The following TDRD5 variants were observed in gnomAD, a reference collection of about 807,000 sequenced individuals.
The protein encoded by TDRD5 is tudor domain containing 5, also known as tudor domain-containing protein 5.
A neutral mutation model predicts 120.6 loss-of-function variants in TDRD5; 41 were observed. The observed-to-expected ratio is 0.34, with a 90% CI of 0.26 to 0.44. The LOEUF is 0.44. TDRD5 is among the 20% of genes least tolerant of loss of function. The probability of loss-of-function intolerance (pLI) is 1.00; values close to 1 mark genes in which losing one functional copy is unlikely to be tolerated. For missense variants in TDRD5, 1,006 were observed against 1,221.2 expected (o/e 0.82, Z 2.63); for synonymous variants, 430 against 433.7 (o/e 0.99, Z 0.11).
chr1:179,671,813 C>T (rs1679867859), intron 17 of TDRD5, among the ~76,000 whole-genome samples: 1 of 152,154 alleles, frequency 6.6e-6, no homozygotes, highest in African/African-American at 2.4e-5. Context: ...GCTTAGCTCC[C>T]ACCTATGACT....
At chr1:179,608,020 G>T (rs766638543) in intron 4 of TDRD5, among the ~76,000 whole-genome samples, 17 of 151,820 alleles carry the variant, frequency 1.1e-4, no homozygotes, top group Non-Finnish European at 1.8e-4. Context: ...AAGTCTATTT[G>T]TCATTTTCAT....
intron 3 of TDRD5, among the ~76,000 whole-genome samples, chr1:179,595,254 A>G (rs2101904805): frequency 6.6e-6 from 1 of 152,256 alleles, no homozygotes; most frequent in East Asian, 1.9e-4. Context: ...TACTACTACT[A>G]GTGGTTATCC....
chr1:179,600,490 A>G (rs1179840076), intron 4 of TDRD5, among the ~76,000 whole-genome samples: 1 of 152,216 alleles, frequency 6.6e-6, no homozygotes. Flanking sequence ...TGTGTTACGT[A>G]CATTCTATGT....
rs750376853 is a variant in TDRD5, at chr1:179,621,044, A to G, written c.925A>G (p.Lys309Glu). The G allele has an allele frequency of 1.3e-5, 21 of 1,602,846 alleles. No individual in the cohort carries two copies. Among genetic ancestry groups the G allele is most frequent in the Admixed American group, 1.8e-5 (1 of 56,918 alleles). Residue 309 changes from lysine to glutamate, a missense_variant, in exon 6 of 18, where the codon AAG (lysine) becomes GAG (glutamate). Physicochemically the swap from Lys to Glu is moderately conservative, Grantham distance 56. Transcript: ENST00000444136. ...LKHKIKFVVSKFPEGLFISKL... is the reference protein window; with the variant it reads ...LKHKIKFVVSEFPEGLFISKL... ...ACTTTCTATTTGTTAGGTTGTATCTAAGTTCCCAGAGGGTTTGTTTATTTC... is the reference window on the plus strand; with the variant it reads ...ACTTTCTATTTGTTAGGTTGTATCTGAGTTCCCAGAGGGTTTGTTTATTTC...
intron 7 of TDRD5, among the ~76,000 whole-genome samples, chr1:179,633,334 A>G (rs1173444457): frequency 1.3e-5 from 2 of 151,420 alleles, no homozygotes; most frequent in Admixed American, 6.6e-5. Flanking sequence ...AGGAGCCACC[A>G]TGCTTGTAGG....
intron 4 of TDRD5, among the ~76,000 whole-genome samples, chr1:179,596,794 G>A (rs971206791): frequency 6.6e-5 from 10 of 152,100 alleles, no homozygotes; most frequent in African/African-American, 2.4e-4. Context: ...CATCTTGTAT[G>A]GCCATAGTTC....
chr1:179,599,639 C>T (rs185596134), intron 4 of TDRD5, among the ~76,000 whole-genome samples: 3 of 151,978 alleles, frequency 2.0e-5, no homozygotes, highest in African/African-American at 4.8e-5. Context: ...TAATGTTCTC[C>T]CAGTAACATT....
chr1:179,619,498 T>C (rs1676733619), intron 5 of TDRD5, among the ~76,000 whole-genome samples: 1 of 152,172 alleles, frequency 6.6e-6, no homozygotes, highest in Non-Finnish European at 1.5e-5. Context: ...CCTTATATTA[T>C]TCCATTTCAA....
chr1:179,623,590 T>A (rs934251861), intron 6 of TDRD5, among the ~76,000 whole-genome samples: 8 of 151,830 alleles, frequency 5.3e-5, no homozygotes, highest in Admixed American at 5.3e-4. Flanking sequence ...TACAGATTGT[T>A]TCTTAAAATA....
chr1:179,667,168 G>C (rs1353132642), intron 16 of TDRD5, among the ~76,000 whole-genome samples: 1 of 152,142 alleles, frequency 6.6e-6, no homozygotes, highest in African/African-American at 2.4e-5. Flanking sequence ...TGAGTAGTAA[G>C]GCTCTAGGTT....
chr1:179,689,372 T>C (rs1185806167), intron 17 of TDRD5, among the ~76,000 whole-genome samples: 3 of 152,186 alleles, frequency 2.0e-5, no homozygotes, highest in African/African-American at 4.8e-5. Context: ...ACAGCAAATA[T>C]TGCAGAACGG....
chr1:179,690,707 C>T lies in TDRD5; in HGVS notation c.2872C>T (p.Pro958Ser), dbSNP rs1004414504. The T allele has an allele frequency of 1.2e-6, 2 of 1,613,562 alleles. No homozygotes were observed. Among genetic ancestry groups the T allele is most frequent in the African/African-American group, 2.7e-5 (2 of 74,856 alleles). Residue 958 changes from proline to serine, a missense_variant, in exon 18 of 18, where the codon CCA becomes TCA. This residue lies in a region of TDRD5 where 403 missense variants were observed against 448.1 expected (regional missense o/e 0.90). Transcript: ENST00000444136. ...TCTTTCTTTTCCAGTGGAAAGCTCACCAGAGATCCTAAAGAATGAAGATTT... is the reference window on the plus strand; with the variant it reads ...TCTTTCTTTTCCAGTGGAAAGCTCATCAGAGATCCTAAAGAATGAAGATTT... ...EKPSGSVESS[P>S]EILKNEDFSS... is the part of the protein sequence containing the mutation.
chr1:179,613,047 C>T (rs1676369274), intron 4 of TDRD5, among the ~76,000 whole-genome samples: 1 of 151,176 alleles, frequency 6.6e-6, no homozygotes, highest in Non-Finnish European at 1.5e-5. Flanking sequence ...GGTAGATAAA[C>T]TTGGACTTAT....
At chr1:179,681,535 G>A (rs1199595230) in intron 17 of TDRD5, among the ~76,000 whole-genome samples, 2 of 152,038 alleles carry the variant, frequency 1.3e-5, no homozygotes, top group Non-Finnish European at 2.9e-5. Flanking sequence ...CCATTACAGT[G>A]TTCTTCATTC....
intron 17 of TDRD5, among the ~76,000 whole-genome samples, chr1:179,689,326 CCT>C (rs1460669284): frequency 1.3e-5 from 2 of 152,196 alleles, no homozygotes; most frequent in African/African-American, 2.4e-5. Context: ...CACTCCACAC[CCT>C]GTTTGCCTGG....
intron 17 of TDRD5, among the ~76,000 whole-genome samples, chr1:179,688,349 C>A (rs1272073284): frequency 6.6e-6 from 1 of 152,062 alleles, no homozygotes; most frequent in Non-Finnish European, 1.5e-5. Flanking sequence ...AAATTCTTTT[C>A]TTTAAGAATG....
At chr1:179,629,271 G>T (rs1427241227) in intron 6 of TDRD5, among the ~76,000 whole-genome samples, 1 of 152,040 alleles carries the variant, frequency 6.6e-6, no homozygotes, top group African/African-American at 2.4e-5. Flanking sequence ...GGAAACTGAA[G>T]CTTATTCACT....
At chr1:179,648,994 A>C (rs1047562591) in intron 11 of TDRD5, among the ~76,000 whole-genome samples, 4 of 152,134 alleles carry the variant, frequency 2.6e-5, no homozygotes, top group African/African-American at 9.7e-5. Context: ...CTAAGTATAG[A>C]ATTCTAGGTT....
intron 4 of TDRD5, among the ~76,000 whole-genome samples, chr1:179,617,860 A>G (rs912327645): frequency 6.6e-6 from 1 of 152,154 alleles, no homozygotes; most frequent in African/African-American, 2.4e-5. Context: ...TCTCTCTACT[A>G]AAATCCTCAG....
Sources: gnomAD v4.1 joint callset for allele counts (sites outside exome capture counted in the v4.1 genomes callset) on GRCh38, gnomAD v4.1.1 for gene constraint, gnomAD v4.1.1 regional missense constraint, MANE v1.5 for transcripts, NCBI Gene and HGNC (gene_info 2026-07-23, HGNC 2026-07-21) for gene names.